Variants in SKA2 observed in about 807,000 individuals in gnomAD.
SKA2 encodes the protein spindle and kinetochore associated complex subunit 2, also known as spindle and kinetochore-associated protein 2.
A neutral mutation model predicts 16.9 loss-of-function variants in SKA2; 13 were observed. The observed-to-expected ratio is 0.77, with a 90% CI of 0.50 to 1.22. SKA2 has a LOEUF of 1.22. Ranked by LOEUF, SKA2 falls within the 50% of genes most tolerant of loss-of-function variation. SKA2 has a pLI of 0.00. For synonymous variants in SKA2, 47 were observed against 48.5 expected, an observed-to-expected ratio of 0.97 and a Z score of 0.13; for missense variants, 107 against 139.7, an observed-to-expected ratio of 0.77 and a Z score of 1.18.
chr17:59,120,049 C>G (rs1394299608), intron 2 of SKA2, among the ~76,000 whole-genome samples: 1 of 151,878 alleles, frequency 6.6e-6, no homozygotes, highest in Non-Finnish European at 1.5e-5. Flanking sequence ...GCTGGGACTA[C>G]AGGCGCCCGC....
At chr17:59,128,216 GA>G (rs542313393) in intron 2 of SKA2, among the ~76,000 whole-genome samples, 29 of 138,190 alleles carry the variant, frequency 2.1e-4, no homozygotes, top group East Asian at 1.1e-3. Flanking sequence ...CTCCATCTCA[GA>G]AAAAAAAAAA....
At chr17:59,118,054 C>T (rs1311437609) in intron 3 of SKA2, 1 of 152,198 alleles carries the variant, frequency 6.6e-6, no homozygotes, top group African/African-American at 2.4e-5. Context: ...CATCTGAGGT[C>T]AGGAGTTCGA....
intron 3 of SKA2, among the ~76,000 whole-genome samples, chr17:59,117,762 CTATA>C (rs1200134305): frequency 6.6e-6 from 1 of 152,092 alleles, no homozygotes; most frequent in Non-Finnish European, 1.5e-5. Context: ...ACAAGACTCA[CTATA>C]TCCAACATTT....
At chr17:59,130,054 G>A (rs1719526795) in intron 2 of SKA2, among the ~76,000 whole-genome samples, 1 of 148,638 alleles carries the variant, frequency 6.7e-6, no homozygotes, top group Non-Finnish European at 1.5e-5. Context: ...GGGAGAGAGA[G>A]AAAGAAAAAA....
intron 2 of SKA2, among the ~76,000 whole-genome samples, chr17:59,126,431 T>TAC (rs1221111434): frequency 6.6e-6 from 1 of 152,034 alleles, no homozygotes; most frequent in Non-Finnish European, 1.5e-5. Flanking sequence ...AACACACACA[T>TAC]ACACACACAC....
At chr17:59,122,731 C>T (rs565086185) in intron 2 of SKA2, among the ~76,000 whole-genome samples, 14 of 152,212 alleles carry the variant, frequency 9.2e-5, no homozygotes, top group African/African-American at 1.2e-4. Context: ...CAGATACTGC[C>T]GTAAGCCATG....
chr17:59,144,188 T>A (rs2030653001), intron 1 of SKA2, among the ~76,000 whole-genome samples: 1 of 148,890 alleles, frequency 6.7e-6, no homozygotes, highest in African/African-American at 2.5e-5. Context: ...CGAGGCTCCA[T>A]CTCAAGGAAA....
intron 1 of SKA2, among the ~76,000 whole-genome samples, chr17:59,132,434 CG>C: frequency 6.6e-6 from 1 of 152,214 alleles, no homozygotes; most frequent in South Asian, 2.1e-4. Flanking sequence ...GAGGCTGAGG[CG>C]GGCGGGTCAC....
chr17:59,138,668 G>C (rs762339712), intron 1 of SKA2, among the ~76,000 whole-genome samples: 4 of 152,016 alleles, frequency 2.6e-5, no homozygotes, highest in Non-Finnish European at 4.4e-5. Context: ...CCGAGCTCAA[G>C]TGATCTGCCC....
At chr17:59,142,368 G>A (rs574641548) in intron 1 of SKA2, among the ~76,000 whole-genome samples, 19 of 147,542 alleles carry the variant, frequency 1.3e-4, no homozygotes, top group Admixed American at 4.8e-4. Context: ...TCGGCTCACC[G>A]CAACCTCTGC....
intron 2 of SKA2, among the ~76,000 whole-genome samples, chr17:59,129,682 C>T (rs1318018041): frequency 6.6e-6 from 1 of 151,844 alleles, no homozygotes; most frequent in Non-Finnish European, 1.5e-5. Flanking sequence ...GGTGAAACCC[C>T]ATCTCTACTA....
At chr17:59,134,088 T>G (rs1030535749) in intron 1 of SKA2, among the ~76,000 whole-genome samples, 6 of 152,242 alleles carry the variant, frequency 3.9e-5, no homozygotes, top group Non-Finnish European at 7.3e-5. Flanking sequence ...TGTCTGTGTG[T>G]GTATTAAGAA....
intron 3 of SKA2, among the ~76,000 whole-genome samples, chr17:59,119,009 C>G (rs1200783737): frequency 3.3e-5 from 5 of 152,174 alleles, no homozygotes; most frequent in Non-Finnish European, 7.3e-5. Flanking sequence ...CCACCCTTTT[C>G]TAGACATCTC....
chr17:59,124,319 C>T (rs570507306), intron 2 of SKA2: 1 of 152,070 alleles, frequency 6.6e-6, no homozygotes, highest in East Asian at 1.9e-4. Context: ...GTATTTCCAC[C>T]TACGCAGGAG....
chr17:59,119,558 A>C, intron 2 of SKA2, 63 bp from the exon 3 acceptor site: 3 of 1,415,110 alleles, frequency 2.1e-6, no homozygotes, highest in Non-Finnish European at 3.0e-6. Context: ...TAAGAATTAA[A>C]ATACTGTATA....
intron 1 of SKA2, among the ~76,000 whole-genome samples, chr17:59,133,673 AT>A (rs1233862361): frequency 6.6e-6 from 1 of 152,224 alleles, no homozygotes; most frequent in Admixed American, 6.5e-5. Flanking sequence ...GCTGTCAGAA[AT>A]TCAAATGCTT....
intron 1 of SKA2, among the ~76,000 whole-genome samples, chr17:59,149,066 T>C (rs1232677945): frequency 1.3e-5 from 2 of 152,136 alleles, no homozygotes; most frequent in Non-Finnish European, 2.9e-5. Flanking sequence ...ATCAATAGCT[T>C]TGGGAATGCA....
intron 3 of SKA2, among the ~76,000 whole-genome samples, chr17:59,115,541 C>T (rs1313391604): frequency 6.6e-6 from 1 of 152,112 alleles, no homozygotes; most frequent in Non-Finnish European, 1.5e-5. Flanking sequence ...TACAGGATTT[C>T]CTTCTTCTAC....
chr17:59,148,414 A>C (rs752477824), intron 1 of SKA2, among the ~76,000 whole-genome samples: 1 of 152,062 alleles, frequency 6.6e-6, no homozygotes, highest in Non-Finnish European at 1.5e-5. Flanking sequence ...CATCTCTAAA[A>C]AAATAAAAAT....
Sources: allele counts gnomAD v4.1 joint callset (sites outside exome capture counted in the v4.1 genomes callset), GRCh38; gene constraint gnomAD v4.1.1; transcripts MANE v1.5; gene names NCBI Gene and HGNC (gene_info 2026-07-23, HGNC 2026-07-21).